The following COL5A1 variants were observed in gnomAD, a reference collection of about 807,000 sequenced individuals.
COL5A1 encodes the protein collagen alpha-1(V) chain.
A neutral mutation model predicts 263.7 loss-of-function variants in COL5A1; 16 were observed. The observed-to-expected ratio is 0.06, with a 90% confidence interval of 0.04 to 0.09. COL5A1 has a LOEUF of 0.09. Among genes scored for constraint, COL5A1 ranks in the 10% least tolerant of loss-of-function variants. The pLI is 1.00. For synonymous variants in COL5A1, 1,012 were observed against 1,004.5 expected (o/e 1.01, Z -0.14); for missense variants, 2,036 against 2,540.5 (o/e 0.80, Z 4.27).
rs1470680981 is a variant in COL5A1 at position 134,731,653 on chromosome 9, T to C, written c.1322T>C (p.Ile441Thr). 1 of 1,613,218 alleles carries C rather than the reference T, an allele frequency of 6.2e-7. No homozygotes were observed. Among genetic ancestry groups the C allele is most frequent in the Non-Finnish European group, 8.5e-7 (1 of 1,179,726 alleles). ...GGAATGCCGGCGAACCAGGATACCA[T>C]CTATGAAGGGGTGAGAGGGTGCAGG... ...GPGMPANQDT[I>T]YEGIGGPRGE... Residue 441 changes from isoleucine (I) to threonine (T), a missense_variant, in exon 8 of 66, where the codon ATC (isoleucine) becomes ACC (threonine). By Grantham distance (89) the Ile-to-Thr change is moderately conservative (BLOSUM62 -1). Transcript: ENST00000371817.
chr9:134,768,546 GGTT>G (rs1299197226), intron 25 of COL5A1, 83 bp downstream of exon 25: 16 of 1,403,400 alleles, frequency 1.1e-5, no homozygotes, highest in Middle Eastern at 1.8e-4. Flanking sequence ...GGCTCTTTGG[GGTT>G]GTTGTTGGAC....
chr9:134,692,086 T>A (rs1833305004), intron 2 of COL5A1, among the ~76,000 whole-genome samples: 1 of 152,216 alleles, frequency 6.6e-6, no homozygotes, highest in Non-Finnish European at 1.5e-5. Flanking sequence ...CATGTGACCT[T>A]GAAGAGTTTG....
At chr9:134,688,401 G>C (rs138513412) in intron 1 of COL5A1, among the ~76,000 whole-genome samples, 1 of 152,216 alleles carries the variant, frequency 6.6e-6, no homozygotes, top group African/African-American at 2.4e-5. Context: ...ATCTTCAGCA[G>C]GTGGACCGGC....
rs1007990462 is a variant in COL5A1, at chr9:134,754,657, G to A, written c.1827+331G>A. On this transcript the variant is annotated intron_variant, in intron 16 of 65. Coordinates refer to ENST00000371817, the MANE Select transcript of COL5A1 (RefSeq NM_000093.5). This position sits in a 1 kb window ranked among gnomAD's most constrained non-coding sequence, Gnocchi z 4.3. ...ACTATCAGCGGGCCTTATATATTTC[G>A]GGCAGCACTGGGACTCCAGAAATGG... Among the ~76,000 whole-genome samples, 7 of 152,194 alleles carry A rather than the reference G, an allele frequency of 4.6e-5. No homozygotes were observed. The highest frequency in any genetic ancestry group is 1.0e-4 in the Non-Finnish European group (7 of 68,038).
chr9:134,803,099 A>C (rs1352849099), intron 39 of COL5A1, 104 bp downstream of exon 39: 6 of 920,860 alleles, frequency 6.5e-6, no homozygotes, highest in Non-Finnish European at 1.0e-5. Context: ...TAATTCGTCA[A>C]ACAGACGCTT....
intron 25 of COL5A1, among the ~76,000 whole-genome samples, chr9:134,771,366 C>T (rs1019037647): frequency 1.3e-5 from 2 of 152,256 alleles, no homozygotes; most frequent in Non-Finnish European, 2.9e-5. Context: ...CTCTGAGGTG[C>T]TGGCGCCATG....
chr9:134,745,102 T>C (rs944129552), intron 11 of COL5A1, among the ~76,000 whole-genome samples: 1 of 152,226 alleles, frequency 6.6e-6, no homozygotes. Context: ...AGGCCACTGA[T>C]AGGAATCTGT....
At chr9:134,657,391 T>TA (rs1442407465) in intron 1 of COL5A1, among the ~76,000 whole-genome samples, 1 of 14,912 alleles carries the variant, frequency 6.7e-5, no homozygotes, top group African/African-American at 2.9e-4. Context: ...GGGGGTGGGG[T>TA]GGGGGTGTAG....
chr9:134,822,189 C>G (rs1438195912), intron 59 of COL5A1, 39 bp downstream of exon 59: 1 of 1,281,670 alleles, frequency 7.8e-7, no homozygotes, highest in Non-Finnish European at 1.1e-6. Flanking sequence ...CCTGGGAGGG[C>G]AGGGAGGGTG....
intron 65 of COL5A1, among the ~76,000 whole-genome samples, chr9:134,839,911 G>A (rs1426413038): frequency 6.6e-6 from 1 of 152,246 alleles, no homozygotes; most frequent in African/African-American, 2.4e-5. Flanking sequence ...AGGCGGGCTT[G>A]TGGGACAGCA....
rs571674979 is a variant in COL5A1, at chr9:134,744,862, T to TAC, written c.1495-5674_1495-5673dup. Among the ~76,000 whole-genome samples, 261 of 139,368 alleles carry TAC rather than the reference T, an allele frequency of 1.9e-3. 1 individual carries two copies. The Middle Eastern group carries it at 0.035, about 19-fold the overall frequency. The allele number at this position is 139,368 out of a possible 152,430, so 91.4% of individuals were successfully genotyped here. On this transcript the variant is annotated intron_variant, in intron 11 of 65. Coordinates refer to ENST00000371817, the MANE Select transcript of COL5A1 (RefSeq NM_000093.5). ...TCATCCATACACATGCACACACATT[T>TAC]ACACACATGCACTCACACACCTGCA...
At chr9:134,736,382 C>T (rs751532937) in intron 9 of COL5A1, among the ~76,000 whole-genome samples, 16 of 152,144 alleles carry the variant, frequency 1.1e-4, no homozygotes, top group Non-Finnish European at 1.9e-4. Context: ...TGAGAAGGAG[C>T]GGGAGAGAAG....
At chr9:134,644,111 G>T (rs907681550) in intron 1 of COL5A1, among the ~76,000 whole-genome samples, 2 of 151,952 alleles carry the variant, frequency 1.3e-5, no homozygotes, top group Admixed American at 6.6e-5. Context: ...TTTTGCCAAC[G>T]TCTCTCCACC....
At chr9:134,658,365 T>A (rs1406126690) in intron 1 of COL5A1, among the ~76,000 whole-genome samples, 1 of 152,154 alleles carries the variant, frequency 6.6e-6, no homozygotes, top group Non-Finnish European at 1.5e-5. Flanking sequence ...CCGCTCCCTC[T>A]TTCTTTCCTT....
At chr9:134,817,923 T>G in intron 54 of COL5A1, 92 bp downstream of exon 54, 4 of 1,335,122 alleles carry the variant, frequency 3.0e-6, no homozygotes, top group East Asian at 2.5e-5. Context: ...GGCAGAGATG[T>G]CCATGGAGGC....
intron 37 of COL5A1, among the ~76,000 whole-genome samples, chr9:134,801,113 C>T (rs1588564833): frequency 6.6e-6 from 1 of 152,386 alleles, no homozygotes; most frequent in East Asian, 1.9e-4. Flanking sequence ...GCGACACCCA[C>T]AGCCAAGCCA....
At chr9:134,823,963 CGT>C (rs202138014) in intron 61 of COL5A1, among the ~76,000 whole-genome samples, 23 of 151,608 alleles carry the variant, frequency 1.5e-4, no homozygotes, top group South Asian at 6.3e-4. Context: ...CATGCATGGC[CGT>C]GTGTGTGTGC....
chr9:134,759,236 C>A (rs1478182707), intron 18 of COL5A1, among the ~76,000 whole-genome samples: 1 of 134,452 alleles, frequency 7.4e-6, no homozygotes, highest in Non-Finnish European at 1.5e-5. Flanking sequence ...ACACATACAC[C>A]ACATACACCA....
At chr9:134,688,379 C>G (rs1053672652) in intron 1 of COL5A1, among the ~76,000 whole-genome samples, 3 of 152,182 alleles carry the variant, frequency 2.0e-5, no homozygotes, top group Non-Finnish European at 4.4e-5. Flanking sequence ...ACCCAGGGCT[C>G]GGCACTGTGT....
Sources: allele counts gnomAD v4.1 joint callset (sites outside exome capture counted in the v4.1 genomes callset), GRCh38; gene constraint gnomAD v4.1.1; non-coding constraint Gnocchi (gnomAD v3.1); transcripts MANE v1.5; gene names NCBI Gene and HGNC (gene_info 2026-07-23, HGNC 2026-07-21).